The following IL1RAPL2 variants were observed in gnomAD, a reference collection of about 807,000 sequenced individuals.
IL1RAPL2 encodes interleukin 1 receptor accessory protein like 2, also known as X-linked interleukin-1 receptor accessory protein-like 2.
In IL1RAPL2, 3 loss-of-function variants were observed where a neutral mutation model predicts 44.1. That is an observed-to-expected ratio of 0.07 (90% CI 0.03 to 0.18). IL1RAPL2 has a LOEUF of 0.18. IL1RAPL2 is among the 10% of genes least tolerant of loss of function. The pLI is 1.00. For synonymous variants in IL1RAPL2, 181 were observed against 178.8 expected (o/e 1.01, Z -0.10); for missense variants, 391 against 496.4 (o/e 0.79, Z 2.02).
chrX:104,913,637 G>A (rs184172001), intron 2 of IL1RAPL2, among the ~76,000 whole-genome samples: 1 of 111,947 alleles, frequency 8.9e-6, no homozygotes, highest in African/African-American at 3.2e-5. Context: ...CCCAATTAAA[G>A]GTAATGGACA....
intron 5 of IL1RAPL2, among the ~76,000 whole-genome samples, chrX:105,354,313 T>A (rs1293221716): frequency 9.1e-6 from 1 of 110,030 alleles, no homozygotes; most frequent in Non-Finnish European, 1.9e-5. Flanking sequence ...CATGGAATAC[T>A]ATGCAGCCAT....
At chrX:105,467,763 G>A (rs1018541256) in intron 5 of IL1RAPL2, among the ~76,000 whole-genome samples, 2 of 111,773 alleles carry the variant, frequency 1.8e-5, no homozygotes, top group African/African-American at 6.5e-5. Flanking sequence ...TGTCACCTTG[G>A]AAACAGGAAC....
At chrX:104,895,175 G>T (rs867344725) in intron 2 of IL1RAPL2, among the ~76,000 whole-genome samples, 5 of 110,731 alleles carry the variant, frequency 4.5e-5, no homozygotes, top group Admixed American at 2.9e-4. Flanking sequence ...ACCTGGCCAT[G>T]GAGGTATCAG....
At chrX:105,067,595 G>A (rs998619789) in intron 2 of IL1RAPL2, among the ~76,000 whole-genome samples, 19 of 111,639 alleles carry the variant, frequency 1.7e-4, no homozygotes, top group Admixed American at 2.9e-4. Flanking sequence ...CAGATCAAGC[G>A]AAAGAGAGAT....
intron 2 of IL1RAPL2, among the ~76,000 whole-genome samples, chrX:105,143,240 A>G (rs1162137098): frequency 8.9e-6 from 1 of 111,792 alleles, no homozygotes. Context: ...ACACAAACAA[A>G]TTCACAAGAA....
intron 6 of IL1RAPL2, among the ~76,000 whole-genome samples, chrX:105,649,402 G>A (rs1013671101): frequency 1.8e-5 from 2 of 111,724 alleles, no homozygotes; most frequent in East Asian, 2.8e-4. Context: ...CATGATGTTC[G>A]CTATAGTTTT....
At chrX:105,568,306 C>T (rs760845030) in intron 6 of IL1RAPL2, among the ~76,000 whole-genome samples, 1 of 111,924 alleles carries the variant, frequency 8.9e-6, no homozygotes, top group African/African-American at 3.2e-5. Flanking sequence ...TTGTGATACT[C>T]TCTGCTTCTC....
intron 5 of IL1RAPL2, among the ~76,000 whole-genome samples, chrX:105,483,940 A>G (rs1294364226): frequency 9.0e-6 from 1 of 111,706 alleles, no homozygotes; most frequent in Non-Finnish European, 1.9e-5. Flanking sequence ...CCGTTAGGGT[A>G]ATATTTCATT....
intron 5 of IL1RAPL2, among the ~76,000 whole-genome samples, chrX:105,414,100 GC>G (rs1484717479): frequency 9.0e-6 from 1 of 111,268 alleles, no homozygotes; most frequent in African/African-American, 3.3e-5. Context: ...ATTACACAGT[GC>G]TGATATAGAA....
At chrX:104,949,841 A>G (rs1178204854) in intron 2 of IL1RAPL2, among the ~76,000 whole-genome samples, 2 of 111,146 alleles carry the variant, frequency 1.8e-5, no homozygotes, top group African/African-American at 3.3e-5. Context: ...ACTTCCAAGT[A>G]TGTGGTCAGT....
At chrX:105,246,859 G>A (rs1295009001) in intron 4 of IL1RAPL2, among the ~76,000 whole-genome samples, 1 of 111,275 alleles carries the variant, frequency 9.0e-6, no homozygotes, top group African/African-American at 3.3e-5. Flanking sequence ...CATAGAAAGT[G>A]ATAATATGGC....
chrX:104,599,689 C>CACAA, intron 1 of IL1RAPL2, among the ~76,000 whole-genome samples: 1 of 106,650 alleles, frequency 9.4e-6, no homozygotes, highest in South Asian at 3.9e-4. Flanking sequence ...CACACACACA[C>CACAA]ACACACGTAA....
chrX:105,104,232 C>T (rs756683632), intron 2 of IL1RAPL2, among the ~76,000 whole-genome samples: 1 of 110,891 alleles, frequency 9.0e-6, no homozygotes, highest in Non-Finnish European at 1.9e-5. Flanking sequence ...AGCGTTTTAT[C>T]TCCACCAAGA....
In IL1RAPL2 at chrX:104,705,801, C is replaced by T. The variant is rs139584583; in HGVS notation, c.82+46806C>T. Among the ~76,000 whole-genome samples the T allele has an allele frequency of 4.4e-3, 490 of 111,263 alleles. 4 individuals carry two copies. The highest frequency in any genetic ancestry group is 0.015 in the African/African-American group (451 of 30,602). ...CTCTGTAGAACATGATGGTGAAGGA[C>T]CTTTGACAGCCTAAGGCCAGAATAA... is the stretch of plus-strand genomic sequence containing the variant. On this transcript the variant is annotated intron_variant, in intron 2 of 10. Coordinates refer to ENST00000372582, the MANE Select transcript of IL1RAPL2 (RefSeq NM_017416.2).
At chrX:104,892,447 C>G (rs941550702) in intron 2 of IL1RAPL2, among the ~76,000 whole-genome samples, 1 of 110,624 alleles carries the variant, frequency 9.0e-6, no homozygotes, top group South Asian at 3.8e-4. Flanking sequence ...GGTTGGTAGT[C>G]TATTATTACC....
chrX:104,882,109 T>C lies in IL1RAPL2; in HGVS notation c.82+223114T>C, dbSNP rs185901765. ...ACAACATGAAAATCTCATTTTATAATAGACTGGAAATTATTGTTTACAACA... is the reference window on the plus strand; with the variant it reads ...ACAACATGAAAATCTCATTTTATAACAGACTGGAAATTATTGTTTACAACA... On this transcript the variant is annotated intron_variant, in intron 2 of 10. Coordinates refer to ENST00000372582, the MANE Select transcript of IL1RAPL2 (RefSeq NM_017416.2). Among the ~76,000 whole-genome samples, 6 of 112,132 alleles carry C rather than the reference T, an allele frequency of 5.4e-5. No homozygotes were observed. The Admixed American group carries it at 5.7e-4, about 11-fold the overall frequency.
chrX:105,324,035 A>G (rs1452695933), intron 5 of IL1RAPL2, among the ~76,000 whole-genome samples: 1 of 111,928 alleles, frequency 8.9e-6, no homozygotes, highest in Non-Finnish European at 1.9e-5. Context: ...TTTACAATCT[A>G]AGGATTATCA....
chrX:104,661,940 A>G (rs1930408764), intron 2 of IL1RAPL2, among the ~76,000 whole-genome samples: 1 of 112,226 alleles, frequency 8.9e-6, no homozygotes, highest in South Asian at 3.7e-4. Context: ...ATGTGAAGAT[A>G]GTTATAATGA....
intron 1 of IL1RAPL2, among the ~76,000 whole-genome samples, chrX:104,609,704 T>C (rs1361191369): frequency 8.9e-6 from 1 of 111,916 alleles, no homozygotes; most frequent in Non-Finnish European, 1.9e-5. Flanking sequence ...CCCCATCAGG[T>C]CATTTGTGTT....
Sources: gnomAD v4.1 joint callset for allele counts (sites outside exome capture counted in the v4.1 genomes callset) on GRCh38, gnomAD v4.1.1 for gene constraint, MANE v1.5 for transcripts, NCBI Gene and HGNC (gene_info 2026-07-23, HGNC 2026-07-21) for gene names.